Variants in FGF20 observed in about 807,000 individuals in gnomAD.
The protein encoded by FGF20 is fibroblast growth factor 20.
Under a neutral mutation model 16.7 loss-of-function variants are expected in FGF20, and 8 were observed. The observed-to-expected ratio is 0.48, with a 90% CI of 0.28 to 0.87. The LOEUF is 0.87. Ranked by LOEUF, FGF20 falls within the 40% of genes least tolerant of loss-of-function variation. The pLI is 0.10. For synonymous variants in FGF20, 161 were observed against 118.6 expected (o/e 1.36, Z -2.32); for missense variants, 397 against 281.4 (o/e 1.41, Z -2.94).
Position 17,002,033 on chromosome 8 carries a change from G to T in FGF20, c.-1C>A. The T allele has an allele frequency of 1.3e-6, 2 of 1,539,232 alleles. No homozygotes were observed. Among genetic ancestry groups the T allele is most frequent in the East Asian group, 2.7e-5 (1 of 37,584 alleles). On this transcript the variant is annotated 5_prime_UTR_variant, in exon 1 of 3. Transcript: ENST00000180166. Reference sequence around the variant, plus strand: ...CCCCGACTTCGGCTAAGGGAGCCATGGAGGGGGAGATCCGGAACACAAAAG... The same window carrying T: ...CCCCGACTTCGGCTAAGGGAGCCATTGAGGGGGAGATCCGGAACACAAAAG...
chr8:16,996,137 T>C (rs1810038776), intron 1 of FGF20, among the ~76,000 whole-genome samples: 1 of 152,124 alleles, frequency 6.6e-6, no homozygotes, highest in Non-Finnish European at 1.5e-5. Flanking sequence ...GATGGGGGCC[T>C]GTTAACAGGA....
At chr8:16,998,612 C>T (rs1260867366) in intron 1 of FGF20, among the ~76,000 whole-genome samples, 1 of 152,076 alleles carries the variant, frequency 6.6e-6, no homozygotes, top group East Asian at 1.9e-4. Context: ...CTTTGCCTTT[C>T]TGGTATCACC....
intron 2 of FGF20, 27 bp downstream of exon 2, chr8:16,995,628 A>G (rs765100620): frequency 2.6e-5 from 26 of 981,854 alleles, no homozygotes; most frequent in Non-Finnish European, 3.6e-5. Context: ...AATTACAATA[A>G]TAATAAAAAA....
intron 1 of FGF20, among the ~76,000 whole-genome samples, chr8:17,000,909 T>A (rs1810165119): frequency 6.6e-6 from 1 of 152,102 alleles, no homozygotes; most frequent in Non-Finnish European, 1.5e-5. Flanking sequence ...CACCCATATC[T>A]TCTTTCGCTT....
intron 1 of FGF20, among the ~76,000 whole-genome samples, chr8:17,000,725 C>T (rs1301287588): frequency 6.6e-6 from 1 of 151,884 alleles, no homozygotes; most frequent in Non-Finnish European, 1.5e-5. Context: ...AAGCCTCAGA[C>T]TGATGAAGGC....
intron 2 of FGF20, among the ~76,000 whole-genome samples, chr8:16,995,005 T>C (rs1425589137): frequency 1.3e-5 from 2 of 152,196 alleles, no homozygotes; most frequent in Non-Finnish European, 2.9e-5. Context: ...CTTAAACTGA[T>C]GAAATATTGA....
intron 1 of FGF20, 97 bp from the exon 2 acceptor site, chr8:16,995,855 A>G (rs1810030378): frequency 3.2e-6 from 2 of 623,216 alleles, no homozygotes; most frequent in East Asian, 2.7e-5. Flanking sequence ...GTAGTCGGCC[A>G]TTATTGCCAA....
chr8:16,995,220 C>A (rs568579277), intron 2 of FGF20, among the ~76,000 whole-genome samples: 1 of 152,292 alleles, frequency 6.6e-6, no homozygotes, highest in Admixed American at 6.5e-5. Context: ...ACTTTACTCA[C>A]TTATTTCTTA....
intron 2 of FGF20, among the ~76,000 whole-genome samples, chr8:16,995,112 A>C (rs1277866775): frequency 6.6e-6 from 1 of 152,200 alleles, no homozygotes; most frequent in East Asian, 1.9e-4. Flanking sequence ...TGCCCGATAC[A>C]ACTTTGAATG....
At chr8:17,000,453 AG>A (rs1330381207) in intron 1 of FGF20, among the ~76,000 whole-genome samples, 1 of 140,148 alleles carries the variant, frequency 7.1e-6, no homozygotes, top group African/African-American at 2.5e-5. Flanking sequence ...TATAAGAACA[AG>A]GGGGTAAGGA....
At chr8:17,001,256 G>C (rs1260503908) in intron 1 of FGF20, among the ~76,000 whole-genome samples, 1 of 152,176 alleles carries the variant, frequency 6.6e-6, no homozygotes, top group Non-Finnish European at 1.5e-5. Flanking sequence ...CTGCATAACT[G>C]TGGGGCATGT....
intron 1 of FGF20, among the ~76,000 whole-genome samples, chr8:17,000,330 C>A (rs1049412347): frequency 6.6e-6 from 1 of 152,094 alleles, no homozygotes; most frequent in Non-Finnish European, 1.5e-5. Context: ...TAAGTGCTAC[C>A]AAATGACCAC....
At position 16,992,668 on chromosome 8, in the gene FGF20, T is replaced by C. The variant is rs1717031369; in HGVS notation, c.*404A>G. ...AATTCTACAAGGTCCTCAGAATTTA[T>C]GTAGCAATGCTCTTGGCTAAGTCAA... On this transcript the variant is annotated 3_prime_UTR_variant, in exon 3 of 3. Transcript: ENST00000180166. The C allele has an allele frequency of 6.4e-6, 1 of 155,286 alleles. No homozygotes were observed. The highest frequency in any genetic ancestry group is 1.4e-5 in the Non-Finnish European group (1 of 70,412). The allele number at this position is 155,286 out of a possible 1,614,324, so 9.6% of individuals were successfully genotyped here. A position where few individuals can be genotyped will look rare whatever the true frequency, so the allele number is the denominator to read the frequency against.
intron 2 of FGF20, among the ~76,000 whole-genome samples, chr8:16,993,847 G>T (rs933463787): frequency 1.3e-5 from 2 of 152,088 alleles, no homozygotes; most frequent in Non-Finnish European, 2.9e-5. Flanking sequence ...TTCACAATAG[G>T]GTTCATGCTC....
At chr8:16,998,137 G>A (rs1810099285) in intron 1 of FGF20, among the ~76,000 whole-genome samples, 1 of 152,106 alleles carries the variant, frequency 6.6e-6, no homozygotes, top group Non-Finnish European at 1.5e-5. Flanking sequence ...AAACTCAGAG[G>A]TAAACCACCT....
intron 1 of FGF20, among the ~76,000 whole-genome samples, chr8:16,999,021 G>C (rs921939592): frequency 2.0e-5 from 3 of 152,048 alleles, no homozygotes; most frequent in African/African-American, 7.2e-5. Context: ...ACTAGCAAAA[G>C]AAGCCAAACA....
intron 1 of FGF20, among the ~76,000 whole-genome samples, chr8:16,997,846 A>G (rs192907382): frequency 4.6e-5 from 7 of 152,364 alleles, no homozygotes; most frequent in African/African-American, 1.7e-4. Flanking sequence ...TAGAAAATAT[A>G]TATATTAATG....
rs1810027456 is a variant in FGF20, at chr8:16,995,724, C to A, written c.321G>T (p.Leu107=). ...ILEFISVAVG[L]VSIRGVDSGL... ...CACTGTCCACACCTCTAATACTGAC[C>A]AGTCCCACTGCCACACTGATGAATT... The change falls in exon 2 of 3, where the codon CTG becomes CTT. Residue 107 remains leucine (L), a synonymous_variant. Coordinates refer to ENST00000180166, the MANE Select transcript of FGF20 (RefSeq NM_019851.3). The A allele has an allele frequency of 5.0e-6, 8 of 1,607,612 alleles. No individual in the cohort carries two copies. Among genetic ancestry groups the A allele is most frequent in the Non-Finnish European group, 6.0e-6 (7 of 1,175,330 alleles).
intron 1 of FGF20, among the ~76,000 whole-genome samples, chr8:16,999,378 A>G (rs1810130106): frequency 6.6e-6 from 1 of 152,162 alleles, no homozygotes; most frequent in Non-Finnish European, 1.5e-5. Context: ...AAATGCCGTT[A>G]AATGCCATTA....
Sources: gnomAD v4.1 joint callset for allele counts (sites outside exome capture counted in the v4.1 genomes callset) on GRCh38, gnomAD v4.1.1 for gene constraint, MANE v1.5 for transcripts, NCBI Gene and HGNC (gene_info 2026-07-23, HGNC 2026-07-21) for gene names.